The following CHST15 variants were observed in gnomAD, a reference collection of about 807,000 sequenced individuals.
CHST15 encodes carbohydrate sulfotransferase 15, also known as B cell RAG associated protein (GALNAC4S-6ST).
Under a neutral mutation model 53.6 loss-of-function variants are expected in CHST15, and 30 were observed. The observed-to-expected ratio is 0.56, with a 90% CI of 0.42 to 0.76. The LOEUF (loss-of-function observed/expected upper bound fraction) is 0.76, where lower values mean the gene tolerates loss of function less well. Among genes scored for constraint, CHST15 ranks in the 30% least tolerant of loss-of-function variants. The pLI is 0.00. For missense variants in CHST15, 627 were observed against 740.5 expected, an observed-to-expected ratio of 0.85 and a Z score of 1.78; for synonymous variants, 296 against 289.8, an observed-to-expected ratio of 1.02 and a Z score of -0.22.
intron 1 of CHST15, among the ~76,000 whole-genome samples, chr10:124,064,482 G>T (rs77493443): frequency 6.6e-6 from 1 of 152,150 alleles, no homozygotes; most frequent in Non-Finnish European, 1.5e-5. Flanking sequence ...GGTGCGCAGC[G>T]TAGGCACAGC....
At chr10:124,015,599 A>T (rs957973016) in intron 6 of CHST15, among the ~76,000 whole-genome samples, 1 of 151,902 alleles carries the variant, frequency 6.6e-6, no homozygotes, top group Admixed American at 6.6e-5. Flanking sequence ...GTCCCCTACT[A>T]GGGATTTCAG....
chr10:124,045,653 A>C lies in CHST15; in HGVS notation c.546+14T>G. Reference sequence around the variant, plus strand: ...AATCAACCAATCAGTCAAGATTAGCACAAAGCTACTCACATGCAACTCCTG... The same window carrying C: ...AATCAACCAATCAGTCAAGATTAGCCCAAAGCTACTCACATGCAACTCCTG... On this transcript the variant is annotated intron_variant, in intron 2 of 7. Transcript: ENST00000435907. 1 of 1,560,558 alleles carries C rather than the reference A, an allele frequency of 6.4e-7. No individual in the cohort carries two copies. Among genetic ancestry groups the C allele is most frequent in the Admixed American group, 1.9e-5 (1 of 51,656 alleles).
intron 4 of CHST15, among the ~76,000 whole-genome samples, chr10:124,040,578 C>A (rs937853923): frequency 1.3e-5 from 2 of 152,204 alleles, no homozygotes; most frequent in Non-Finnish European, 2.9e-5. Flanking sequence ...AAAGATCCTG[C>A]TGTTTCTGCC....
At chr10:124,059,736 C>T (rs952946840) in intron 1 of CHST15, among the ~76,000 whole-genome samples, 5 of 152,214 alleles carry the variant, frequency 3.3e-5, no homozygotes, top group Non-Finnish European at 7.3e-5. Flanking sequence ...AGGGGAGCAG[C>T]TGCACACTCC....
At chr10:124,037,219 C>T (rs1478627559) in intron 5 of CHST15, among the ~76,000 whole-genome samples, 1 of 152,158 alleles carries the variant, frequency 6.6e-6, no homozygotes, top group Non-Finnish European at 1.5e-5. Context: ...AATAAGGTCA[C>T]AGTCATACAC....
intron 6 of CHST15, among the ~76,000 whole-genome samples, chr10:124,013,614 G>A (rs1946487959): frequency 1.3e-5 from 2 of 152,208 alleles, no homozygotes; most frequent in African/African-American, 4.8e-5. Context: ...CTGAAGGTGG[G>A]TTGGAGAATA....
chr10:124,029,723 G>A (rs1318183911), intron 5 of CHST15, among the ~76,000 whole-genome samples: 1 of 152,256 alleles, frequency 6.6e-6, no homozygotes, highest in Middle Eastern at 3.2e-3. Context: ...GCCAGGCGCA[G>A]GGTGTGGGCC....
Position 124,045,687 on chromosome 10 carries a change from G to A in CHST15, c.526C>T (p.Leu176Phe). ...TTRQLPDLED[L>F]KKQELHMFSV... is the part of the protein sequence containing the mutation. ...CTCACATGCAACTCCTGCTTCTTAA[G>A]GTCTTCTAAGTCTGGGAGCTGTCTG... Residue 176 changes from leucine (L) to phenylalanine (F), a missense_variant, in exon 2 of 8, where the codon CTT becomes TTT. By Grantham distance (22) the Leu-to-Phe change is conservative. This residue lies in a region of CHST15 where 187 missense variants were observed against 251.8 expected (regional missense o/e 0.74). Transcript: ENST00000435907. 1.9e-6 allele frequency: 3 copies of A among 1,602,646 alleles called. No individual in the cohort carries two copies. Among genetic ancestry groups the A allele is most frequent in the Non-Finnish European group, 2.6e-6 (3 of 1,173,690 alleles).
At chr10:124,047,796 TATG>T (rs1188175046) in intron 1 of CHST15, among the ~76,000 whole-genome samples, 2 of 152,216 alleles carry the variant, frequency 1.3e-5, no homozygotes, top group Admixed American at 6.5e-5. Flanking sequence ...CATCAACTAT[TATG>T]ATGATGATTT....
At chr10:124,037,831 C>T (rs973060664) in intron 5 of CHST15, among the ~76,000 whole-genome samples, 19 of 152,196 alleles carry the variant, frequency 1.2e-4, no homozygotes, top group African/African-American at 3.9e-4. Context: ...AGGCATCAAC[C>T]ACGTGGAGAG....
chr10:124,046,228 C>T lies in CHST15; in HGVS notation c.-16G>A. On this transcript the variant is annotated 5_prime_UTR_variant, in exon 2 of 8. Coordinates refer to ENST00000435907, the MANE Select transcript of CHST15 (RefSeq NM_001270764.2). ...AGTGCCTCATGGTAGTGCCAGTGCC[C>T]TGGGCTGCTGGCTTACCGAGCCATG... 6.4e-7 allele frequency: 1 copy of T among 1,562,726 alleles called. No homozygotes were observed. The highest frequency in any genetic ancestry group is 8.7e-7 in the Non-Finnish European group (1 of 1,153,480).
chr10:124,053,574 A>C (rs938282276), intron 1 of CHST15, among the ~76,000 whole-genome samples: 1 of 151,158 alleles, frequency 6.6e-6, no homozygotes, highest in African/African-American at 2.4e-5. Flanking sequence ...ACTCACTGCA[A>C]CCTCTGCCTC....
rs1946926679 is a variant in CHST15 at position 124,024,685 on chromosome 10, G to C, written c.1191-3273C>G. Among the ~76,000 whole-genome samples, 1 of 152,150 alleles carries C rather than the reference G, an allele frequency of 6.6e-6. No individual in the cohort carries two copies. The highest frequency in any genetic ancestry group is 6.5e-5 in the Admixed American group (1 of 15,280). On this transcript the variant is annotated intron_variant, in intron 5 of 7. Coordinates refer to ENST00000435907, the MANE Select transcript of CHST15 (RefSeq NM_001270764.2). This position sits in a 1 kb window ranked among gnomAD's most constrained non-coding sequence, Gnocchi z 4.0. ...GAAGACACATCAAAACTGAAACACG[G>C]CATCTGTCGCCATAGGGTCGCTCAT... is the stretch of plus-strand genomic sequence containing the variant.
rs571325368 is a variant in CHST15, at chr10:124,036,839, C to T, written c.1190+1676G>A. Among the ~76,000 whole-genome samples the T allele has an allele frequency of 6.6e-6, 1 of 152,264 alleles. No homozygotes were observed. The highest frequency in any genetic ancestry group is 2.4e-5 in the African/African-American group (1 of 41,550). On this transcript the variant is annotated intron_variant, in intron 5 of 7. Coordinates refer to ENST00000435907, the MANE Select transcript of CHST15 (RefSeq NM_001270764.2). This position sits in a 1 kb window ranked among gnomAD's most constrained non-coding sequence, Gnocchi z 5.1. ...TGTTATAATTGGCAAATACGTGGGGCCAGGAAGGTATGCCACCTGAAGAAG... is the reference window on the plus strand; with the variant it reads ...TGTTATAATTGGCAAATACGTGGGGTCAGGAAGGTATGCCACCTGAAGAAG...
chr10:124,035,829 C>T (rs1442814962), intron 5 of CHST15, among the ~76,000 whole-genome samples: 1 of 152,222 alleles, frequency 6.6e-6, no homozygotes, highest in Admixed American at 6.5e-5. Context: ...CTGGATCTCC[C>T]CACTCTGGAG....
chr10:124,011,637 G>A, intron 7 of CHST15: 1 of 985,424 alleles, frequency 1.0e-6, no homozygotes, highest in Non-Finnish European at 1.2e-6. Context: ...CGCTCCGCCA[G>A]CACATGCCTC....
chr10:124,051,210 C>T (rs1266175317), intron 1 of CHST15, among the ~76,000 whole-genome samples: 2 of 152,126 alleles, frequency 1.3e-5, no homozygotes, highest in African/African-American at 4.8e-5. Flanking sequence ...TCCCAAAGTG[C>T]TGGGATTACA....
intron 1 of CHST15, among the ~76,000 whole-genome samples, chr10:124,073,364 A>G (rs1948979344): frequency 6.6e-6 from 1 of 152,176 alleles, no homozygotes; most frequent in Non-Finnish European, 1.5e-5. Flanking sequence ...AACAGGCCAA[A>G]AACCCAGGCC....
intron 7 of CHST15, chr10:124,010,691 C>T (rs1946386779): frequency 9.1e-6 from 9 of 985,330 alleles, no homozygotes; most frequent in Admixed American, 6.1e-5. Flanking sequence ...CTTGGAGGAA[C>T]GTGCGGCCTG....
Sources: gnomAD v4.1 joint callset for allele counts (sites outside exome capture counted in the v4.1 genomes callset) on GRCh38, gnomAD v4.1.1 for gene constraint, gnomAD v4.1.1 regional missense constraint, Gnocchi (gnomAD v3.1) non-coding constraint, MANE v1.5 for transcripts, NCBI Gene and HGNC (gene_info 2026-07-23, HGNC 2026-07-21) for gene names.